The following AP3B1 variants were observed in gnomAD, a reference collection of about 807,000 sequenced individuals.
The protein encoded by AP3B1 is adaptor related protein complex 3 subunit beta 1.
Under a neutral mutation model 132.5 loss-of-function variants are expected in AP3B1, and 61 were observed. The observed-to-expected ratio is 0.46, with a 90% CI of 0.37 to 0.57. The LOEUF (loss-of-function observed/expected upper bound fraction) is 0.57, where lower values mean the gene tolerates loss of function less well. Among genes scored for constraint, AP3B1 ranks in the 20% least tolerant of loss-of-function variants. AP3B1 has a pLI of 0.00. For missense variants in AP3B1, 1,120 were observed against 1,289.4 expected, an observed-to-expected ratio of 0.87 and a Z score of 2.01; for synonymous variants, 388 against 438.3, an observed-to-expected ratio of 0.89 and a Z score of 1.43.
chr5:78,274,890 C>T (rs1294122857), intron 1 of AP3B1, among the ~76,000 whole-genome samples: 1 of 151,662 alleles, frequency 6.6e-6, no homozygotes, highest in African/African-American at 2.4e-5. Flanking sequence ...TACACCACTG[C>T]ACTCAGCCTG....
At chr5:78,033,887 G>GAA (rs141511109) in intron 24 of AP3B1, among the ~76,000 whole-genome samples, 2 of 148,206 alleles carry the variant, frequency 1.3e-5, no homozygotes, top group Non-Finnish European at 3.0e-5. Context: ...ATGTAAAAAG[G>GAA]AAAAAAAAAA....
intron 17 of AP3B1, among the ~76,000 whole-genome samples, chr5:78,118,484 G>A (rs1295292788): frequency 5.9e-5 from 9 of 152,170 alleles, no homozygotes; most frequent in South Asian, 2.1e-4. Context: ...CTAATACTGC[G>A]CTTTTCCAAC....
intron 3 of AP3B1, among the ~76,000 whole-genome samples, chr5:78,234,924 A>G (rs370300848): frequency 3.0e-4 from 46 of 152,310 alleles, no homozygotes; most frequent in African/African-American, 1.1e-3. Context: ...GGTTTTGGAA[A>G]GACTGCCTCC....
At chr5:78,257,066 T>A (rs6859202) in intron 2 of AP3B1, among the ~76,000 whole-genome samples, 47,513 of 151,924 alleles carry the variant, frequency 0.31, 7,593 homozygotes, top group Middle Eastern at 0.41. Flanking sequence ...CTAGTATCAT[T>A]CTGAATGGGA....
intron 8 of AP3B1, among the ~76,000 whole-genome samples, chr5:78,180,001 A>G (rs1744301723): frequency 6.6e-6 from 1 of 152,182 alleles, no homozygotes; most frequent in African/African-American, 2.4e-5. Context: ...TATTTGAACT[A>G]TAAAATCAAT....
At chr5:78,149,720 C>G (rs1307960616) in intron 14 of AP3B1, among the ~76,000 whole-genome samples, 1 of 152,120 alleles carries the variant, frequency 6.6e-6, no homozygotes, top group Non-Finnish European at 1.5e-5. Flanking sequence ...GTTCATGAAG[C>G]TAGTAAAAGG....
chr5:78,243,931 A>C (rs1483731229), intron 2 of AP3B1, among the ~76,000 whole-genome samples: 1 of 152,154 alleles, frequency 6.6e-6, no homozygotes, highest in Non-Finnish European at 1.5e-5. Context: ...TTTAGCAATG[A>C]CTCATATTTT....
intron 22 of AP3B1, among the ~76,000 whole-genome samples, chr5:78,044,598 T>C (rs1460927980): frequency 6.6e-6 from 1 of 152,034 alleles, no homozygotes; most frequent in Non-Finnish European, 1.5e-5. Flanking sequence ...AAGGCAAGGG[T>C]AGAGGAGTGG....
chr5:78,010,591 CG>C (rs978155517), intron 26 of AP3B1, among the ~76,000 whole-genome samples: 1 of 152,150 alleles, frequency 6.6e-6, no homozygotes, highest in African/African-American at 2.4e-5. Context: ...TCAGTTTCCA[CG>C]ACATTGAACA....
chr5:78,223,099 A>G (rs1412206571), intron 6 of AP3B1, among the ~76,000 whole-genome samples: 1 of 146,090 alleles, frequency 6.8e-6, no homozygotes, highest in Non-Finnish European at 1.5e-5. Flanking sequence ...GACTCAAGCA[A>G]TCCATCCACC....
At chr5:78,017,024 ATGT>A (rs1220804420) in intron 25 of AP3B1, among the ~76,000 whole-genome samples, 3 of 152,116 alleles carry the variant, frequency 2.0e-5, no homozygotes, top group East Asian at 3.8e-4. Context: ...ATTAAAGGAA[ATGT>A]TGTACAAAGC....
At chr5:78,138,576 T>C (rs1387223272) in intron 15 of AP3B1, among the ~76,000 whole-genome samples, 1 of 152,178 alleles carries the variant, frequency 6.6e-6, no homozygotes, top group African/African-American at 2.4e-5. Flanking sequence ...TTAATCTATT[T>C]TCATATTTAA....
At chr5:78,227,211 T>C (rs1299214814) in intron 5 of AP3B1, among the ~76,000 whole-genome samples, 161 bp downstream of exon 5, 1 of 152,090 alleles carries the variant, frequency 6.6e-6, no homozygotes, top group Non-Finnish European at 1.5e-5. Flanking sequence ...TAAAGATGTG[T>C]AAGGAACATT....
At chr5:78,211,293 A>T (rs1745726478) in intron 7 of AP3B1, among the ~76,000 whole-genome samples, 1 of 152,194 alleles carries the variant, frequency 6.6e-6, no homozygotes, top group Admixed American at 6.6e-5. Flanking sequence ...ACTATTTATC[A>T]TCAAAGATGT....
intron 9 of AP3B1, among the ~76,000 whole-genome samples, chr5:78,176,981 T>C (rs1273252719): frequency 2.6e-5 from 4 of 152,188 alleles, no homozygotes; most frequent in Admixed American, 1.3e-4. Context: ...GTCAATCTGA[T>C]AGTACTTCAG....
intron 3 of AP3B1, among the ~76,000 whole-genome samples, chr5:78,232,048 A>G (rs1746669767): frequency 6.6e-6 from 1 of 152,344 alleles, no homozygotes; most frequent in South Asian, 2.1e-4. Context: ...ACATCCTTCT[A>G]TATTATCTTT....
chr5:78,075,871 T>C (rs887213327), intron 22 of AP3B1, among the ~76,000 whole-genome samples: 3 of 152,220 alleles, frequency 2.0e-5, no homozygotes, highest in Non-Finnish European at 4.4e-5. Context: ...GGCATGGTCA[T>C]CAAGTGACAA....
intron 3 of AP3B1, among the ~76,000 whole-genome samples, chr5:78,229,617 T>C (rs536773883): frequency 1.4e-3 from 217 of 150,186 alleles, no homozygotes; most frequent in African/African-American, 5.1e-3. Context: ...CATGCACCTG[T>C]AGTCCCAGCT....
chr5:78,220,481 G>GA (rs376196756), intron 6 of AP3B1, among the ~76,000 whole-genome samples: 16 of 151,402 alleles, frequency 1.1e-4, no homozygotes, highest in East Asian at 3.9e-4. Flanking sequence ...CAACAGTATA[G>GA]AAAAAAAACT....
Sources: gnomAD v4.1 joint callset for allele counts (sites outside exome capture counted in the v4.1 genomes callset) on GRCh38, gnomAD v4.1.1 for gene constraint, MANE v1.5 for transcripts, NCBI Gene and HGNC (gene_info 2026-07-23, HGNC 2026-07-21) for gene names.